Variants in MGAT4C observed in about 807,000 individuals in gnomAD.
The protein encoded by MGAT4C is MGAT4 family member C, also known as alpha-1,3-mannosyl-glycoprotein 4-beta-N-acetylglucosaminyltransferase C.
MGAT4C carries 19 observed loss-of-function variants against 40.1 expected under a neutral mutation model. The ratio of observed to expected loss-of-function variants is 0.47; its 90% confidence interval spans 0.33 to 0.70. MGAT4C has a LOEUF of 0.70. Among genes scored for constraint, MGAT4C ranks in the 30% least tolerant of loss-of-function variants. The pLI is 0.02. For missense variants in MGAT4C, 491 were observed against 563.2 expected (o/e 0.87, Z 1.30); for synonymous variants, 181 against 187.1 (o/e 0.97, Z 0.27).
At chr12:86,815,608 G>C (rs1438212899) in intron 1 of MGAT4C, among the ~76,000 whole-genome samples, 1 of 150,962 alleles carries the variant, frequency 6.6e-6, no homozygotes, top group Non-Finnish European at 1.5e-5. Flanking sequence ...CAATCAACAA[G>C]TGGATAAGGA....
chr12:86,066,269 A>G (rs1276415721), intron 1 of MGAT4C, among the ~76,000 whole-genome samples: 1 of 152,176 alleles, frequency 6.6e-6, no homozygotes, highest in African/African-American at 2.4e-5. Context: ...GTAAGCAAAA[A>G]GAACAAAGCT....
chr12:86,714,036 C>A (rs1024145542), intron 2 of MGAT4C, among the ~76,000 whole-genome samples: 3 of 152,038 alleles, frequency 2.0e-5, no homozygotes, highest in Admixed American at 6.6e-5. Flanking sequence ...ATATAGGAAG[C>A]AACAGCACTA....
chr12:86,814,776 C>G (rs1952568062), intron 1 of MGAT4C, among the ~76,000 whole-genome samples: 1 of 151,882 alleles, frequency 6.6e-6, no homozygotes, highest in Admixed American at 6.6e-5. Context: ...CAGAGAGCCA[C>G]CTTACCTTTT....
chr12:86,442,248 T>C (rs953857097), intron 2 of MGAT4C, among the ~76,000 whole-genome samples: 5 of 152,208 alleles, frequency 3.3e-5, no homozygotes, highest in Admixed American at 6.5e-5. Context: ...ATATTAGCCC[T>C]TTGTCAGATG....
At chr12:86,230,378 C>G (rs12305255) in intron 1 of MGAT4C, among the ~76,000 whole-genome samples, 12,349 of 152,150 alleles carry the variant, frequency 0.081, 629 homozygotes, top group Middle Eastern at 0.22. Flanking sequence ...CTTGGCATTT[C>G]AGATAACATC....
At chr12:86,443,414 A>G (rs1565766741) in intron 2 of MGAT4C, among the ~76,000 whole-genome samples, 3 of 152,118 alleles carry the variant, frequency 2.0e-5, no homozygotes. Context: ...AATCCTGACA[A>G]TTGTTACTAC....
intron 1 of MGAT4C, among the ~76,000 whole-genome samples, chr12:86,191,284 G>C (rs1889426603): frequency 6.6e-6 from 1 of 151,938 alleles, no homozygotes; most frequent in African/African-American, 2.4e-5. Flanking sequence ...TAGATATAAA[G>C]GTACCAATGG....
At chr12:86,156,102 C>T (rs115473406) in intron 1 of MGAT4C, among the ~76,000 whole-genome samples, 164 of 152,188 alleles carry the variant, frequency 1.1e-3, no homozygotes, top group Non-Finnish European at 2.0e-3. Context: ...TATAAACACA[C>T]ATATATATAC....
intron 2 of MGAT4C, among the ~76,000 whole-genome samples, chr12:86,508,051 A>T (rs968382571): frequency 6.6e-5 from 10 of 151,680 alleles, no homozygotes; most frequent in African/African-American, 2.4e-4. Context: ...TGTGTCTTTA[A>T]TATTTTTTTA....
At chr12:86,768,161 C>T (rs1191823502) in intron 1 of MGAT4C, among the ~76,000 whole-genome samples, 1 of 152,168 alleles carries the variant, frequency 6.6e-6, no homozygotes, top group Non-Finnish European at 1.5e-5. Flanking sequence ...TAAGCAACTT[C>T]AGCAAAGTCT....
At chr12:86,428,387 C>A (rs1400384626) in intron 3 of MGAT4C, among the ~76,000 whole-genome samples, 4 of 152,094 alleles carry the variant, frequency 2.6e-5, no homozygotes, top group Admixed American at 1.3e-4. Context: ...AGAAAAGAAT[C>A]TCTGAAAAGC....
intron 1 of MGAT4C, among the ~76,000 whole-genome samples, chr12:86,799,866 C>A (rs1952195199): frequency 6.6e-6 from 1 of 151,790 alleles, no homozygotes; most frequent in Non-Finnish European, 1.5e-5. Context: ...ACACTGTGAC[C>A]AAATGGATTT....
At chr12:86,051,463 C>A (rs1268369059) in intron 1 of MGAT4C, among the ~76,000 whole-genome samples, 1 of 151,690 alleles carries the variant, frequency 6.6e-6, no homozygotes, top group Non-Finnish European at 1.5e-5. Flanking sequence ...CTGATAATTT[C>A]TCATAGACAC....
chr12:86,166,178 T>C (rs949211613), intron 1 of MGAT4C, among the ~76,000 whole-genome samples: 4 of 152,218 alleles, frequency 2.6e-5, no homozygotes, highest in African/African-American at 9.6e-5. Flanking sequence ...TATAGAAGTA[T>C]AGTCAACTGT....
At chr12:86,524,533 G>A (rs1958848059) in intron 2 of MGAT4C, among the ~76,000 whole-genome samples, 1 of 152,198 alleles carries the variant, frequency 6.6e-6, no homozygotes, top group South Asian at 2.1e-4. Flanking sequence ...AGAATCTGAA[G>A]ATTATGTGTC....
intron 4 of MGAT4C, among the ~76,000 whole-genome samples, chr12:86,320,504 T>C (rs1299727053): frequency 2.0e-4 from 31 of 152,168 alleles, no homozygotes; most frequent in Admixed American, 2.0e-3. Flanking sequence ...CTGAAATTTA[T>C]TGAGAATTTG....
intron 2 of MGAT4C, among the ~76,000 whole-genome samples, chr12:86,678,145 G>C (rs1949901946): frequency 6.6e-6 from 1 of 152,178 alleles, no homozygotes; most frequent in South Asian, 2.1e-4. Flanking sequence ...AATATCCAGA[G>C]CTGAAACCCT....
chr12:86,322,607 A>G (rs1373243063), intron 4 of MGAT4C, among the ~76,000 whole-genome samples: 1 of 151,784 alleles, frequency 6.6e-6, no homozygotes, highest in Non-Finnish European at 1.5e-5. Flanking sequence ...ATTTTTATTT[A>G]TTTAAGGCAT....
At chr12:86,706,153 T>A (rs1349446328) in intron 2 of MGAT4C, among the ~76,000 whole-genome samples, 6 of 152,130 alleles carry the variant, frequency 3.9e-5, no homozygotes, top group Non-Finnish European at 7.3e-5. Context: ...GCTGTGATGA[T>A]CTTAGACAAG....
Sources: gnomAD v4.1 joint callset for allele counts (sites outside exome capture counted in the v4.1 genomes callset) on GRCh38, gnomAD v4.1.1 for gene constraint, MANE v1.5 for transcripts, NCBI Gene and HGNC (gene_info 2026-07-23, HGNC 2026-07-21) for gene names.